Variants in TAF2 observed in about 807,000 individuals in gnomAD.
TAF2 encodes TATA-box binding protein associated factor 2, also known as transcription initiation factor TFIID subunit 2.
Under a neutral mutation model 138.5 loss-of-function variants are expected in TAF2, and 61 were observed. The ratio of observed to expected loss-of-function variants is 0.44; its 90% CI spans 0.36 to 0.54. The LOEUF is 0.54. Ranked by LOEUF, TAF2 falls within the 20% of genes least tolerant of loss-of-function variation. The probability of loss-of-function intolerance (pLI) is 0.00; values close to 1 mark genes in which losing one functional copy is unlikely to be tolerated. For missense variants in TAF2, 1,090 were observed against 1,427.9 expected (o/e 0.76, Z 3.81); for synonymous variants, 475 against 469.9 (o/e 1.01, Z -0.14).
intron 25 of TAF2, among the ~76,000 whole-genome samples, chr8:119,739,651 AG>A (rs1266385249): frequency 2.0e-5 from 3 of 151,458 alleles, no homozygotes; most frequent in Non-Finnish European, 4.4e-5. Context: ...CTTGGCTCTA[AG>A]GGGGCCATCT....
chr8:119,831,961 C>G (rs1174204117), intron 1 of TAF2, among the ~76,000 whole-genome samples: 1 of 152,026 alleles, frequency 6.6e-6, no homozygotes, highest in African/African-American at 2.4e-5. Context: ...GAGTTCGAGA[C>G]CAGCCTGGCC....
chr8:119,775,473 C>A (rs1822158439), intron 18 of TAF2, among the ~76,000 whole-genome samples: 1 of 151,838 alleles, frequency 6.6e-6, no homozygotes. Flanking sequence ...GAGGCCGAGG[C>A]AGGCGAATCA....
chr8:119,771,245 T>C (rs112365052), intron 18 of TAF2, among the ~76,000 whole-genome samples: 96 of 152,110 alleles, frequency 6.3e-4, no homozygotes, highest in African/African-American at 2.2e-3. Context: ...CATTCTTTTT[T>C]ACTTTTTTGA....
rs1821001191 is a variant in TAF2, at chr8:119,760,676, A to G, written c.2621T>C (p.Phe874Ser). Residue 874 changes from phenylalanine to serine, a missense_variant, in exon 20 of 26, where the codon TTT becomes TCT. Phe to Ser is a radical substitution (Grantham distance 155, BLOSUM62 -2). Around this residue, in one of 3 missense-constraint regions of TAF2, gnomAD observed 580 missense variants for 719.6 expected, o/e 0.81. Transcript: ENST00000378164. The part of the protein sequence containing the change: ...NGHVPSDPAL[F>S]KSYAEYGHFV... ...GTGGCCATATTCAGCATAAGATTTA[A>G]AAAGAGCTGGATCACTTGGCACATG... The G allele has an allele frequency of 6.2e-7, 1 of 1,613,908 alleles. No individual in the cohort carries two copies. The highest frequency in any genetic ancestry group is 8.5e-7 in the Non-Finnish European group (1 of 1,179,966).
chr8:119,819,281 T>C, intron 3 of TAF2, 65 bp downstream of exon 3: 3 of 1,532,768 alleles, frequency 2.0e-6, no homozygotes, highest in Non-Finnish European at 2.7e-6. Flanking sequence ...GAAAAACTAA[T>C]CCAATCATTA....
Position 119,806,352 on chromosome 8 carries a change from C to T in TAF2, c.349G>A (p.Val117Met). The T allele has an allele frequency of 6.2e-7, 1 of 1,613,980 alleles. No individual in the cohort carries two copies. The highest frequency in any genetic ancestry group is 2.2e-5 in the East Asian group (1 of 44,884). Residue 117 changes from valine (V) to methionine (M), a missense_variant, in exon 4 of 26, where the codon GTG becomes ATG. Transcript: ENST00000378164. ...SNAYAAAVSAVDPDAGNGELC... is the reference protein window; with the variant it reads ...SNAYAAAVSAMDPDAGNGELC... ...TCTCCATTTCCTGCATCAGGGTCCA[C>T]AGCACTAACTGCAGCTGCATAAGCA...
At position 119,795,773 on chromosome 8, in the gene TAF2, C is replaced by T. The variant is rs1823782592; in HGVS notation, c.1092-142G>A. The T allele has an allele frequency of 3.7e-6, 3 of 811,812 alleles. No homozygotes were observed. In the Admixed American group the frequency reaches 6.4e-5, roughly 17 times the overall value. 50.3% of individuals were successfully genotyped at this position (811,812 alleles called of 1,614,324 possible). ...AAATTATTAACAAATTATCAGGTTT[C>T]CCAACTTCCTCTGAGTTCTACTTGC... On this transcript the variant is annotated intron_variant, in intron 8 of 25. Transcript: ENST00000378164.
In TAF2 at chr8:119,731,822, C is replaced by A. The variant is rs763401185; in HGVS notation, c.*102G>T. On this transcript the variant is annotated 3_prime_UTR_variant, in exon 26 of 26. Transcript: ENST00000378164. Reference sequence around the variant, plus strand: ...GAATTCAGAATTTCTGTAGGAGAGGCGAATCCTTTCCCCCCTCCCTTTTAT... The same window carrying A: ...GAATTCAGAATTTCTGTAGGAGAGGAGAATCCTTTCCCCCCTCCCTTTTAT... The A allele has an allele frequency of 2.6e-6, 3 of 1,158,424 alleles. No homozygotes were observed. Among genetic ancestry groups the A allele is most frequent in the Admixed American group, 1.7e-5 (1 of 58,052 alleles). 71.8% of individuals were successfully genotyped at this position (1,158,424 alleles called of 1,614,324 possible). A position where few individuals can be genotyped will look rare whatever the true frequency, so the allele number is the denominator to read the frequency against.
chr8:119,782,214 AC>A (rs1237574969), intron 16 of TAF2, among the ~76,000 whole-genome samples: 1 of 152,186 alleles, frequency 6.6e-6, no homozygotes, highest in Non-Finnish European at 1.5e-5. Context: ...GAAGCCAAAT[AC>A]AGTGCTACTA....
intron 12 of TAF2, 72 bp from the exon 13 acceptor site, chr8:119,788,976 G>A: frequency 9.6e-7 from 1 of 1,039,792 alleles, no homozygotes; most frequent in Non-Finnish European, 1.5e-6. Context: ...ATCCATCATG[G>A]TATTAATAAT....
intron 18 of TAF2, among the ~76,000 whole-genome samples, chr8:119,776,410 CGGT>C (rs1822244703): frequency 6.8e-6 from 1 of 146,608 alleles, no homozygotes; most frequent in Non-Finnish European, 1.5e-5. Flanking sequence ...TGGCCGGGCA[CGGT>C]GGCTCATGCC....
At chr8:119,752,989 G>A (rs1820457207) in intron 22 of TAF2, among the ~76,000 whole-genome samples, 1 of 152,172 alleles carries the variant, frequency 6.6e-6, no homozygotes, top group Non-Finnish European at 1.5e-5. Context: ...CTTAAATGAT[G>A]CTCTAGCTCC....
intron 22 of TAF2, among the ~76,000 whole-genome samples, chr8:119,751,695 AAC>A (rs1244373724): frequency 6.6e-6 from 1 of 152,262 alleles, no homozygotes; most frequent in Non-Finnish European, 1.5e-5. Context: ...TCAAGAAAAA[AAC>A]AGTGAATTAA....
intron 25 of TAF2, among the ~76,000 whole-genome samples, chr8:119,740,310 G>A (rs1004576578): frequency 2.0e-5 from 3 of 151,938 alleles, no homozygotes; most frequent in Admixed American, 2.0e-4. Flanking sequence ...CCTGATGTAT[G>A]GTAGGAGTTG....
rs1390107793 is a variant in TAF2 at position 119,785,187 on chromosome 8, G to C, written c.1859+14C>G. 6.9e-6 allele frequency: 11 copies of C among 1,603,246 alleles called. No homozygotes were observed. Among genetic ancestry groups the C allele is most frequent in the Non-Finnish European group, 9.4e-6 (11 of 1,170,592 alleles). On this transcript the variant is annotated intron_variant, in intron 15 of 25. Coordinates refer to ENST00000378164, the MANE Select transcript of TAF2 (RefSeq NM_003184.4). ...GAAAGTATTATAACCTTATATTTAA[G>C]TTAACTAACTTACTCCATTGCAGAA...
chr8:119,807,452 A>G (rs1824738320), intron 3 of TAF2, among the ~76,000 whole-genome samples: 1 of 152,238 alleles, frequency 6.6e-6, no homozygotes, highest in African/African-American at 2.4e-5. Flanking sequence ...AATACGAAAG[A>G]AATGAAAGAC....
At chr8:119,738,253 A>G (rs1819367469) in intron 25 of TAF2, among the ~76,000 whole-genome samples, 2 of 152,170 alleles carry the variant, frequency 1.3e-5, no homozygotes, top group Non-Finnish European at 2.9e-5. Context: ...GTAAGAAAGC[A>G]TAATTTCCTT....
At chr8:119,805,899 TTTTG>T (rs1236292344) in intron 4 of TAF2, among the ~76,000 whole-genome samples, 4 of 144,212 alleles carry the variant, frequency 2.8e-5, no homozygotes, top group Non-Finnish European at 6.0e-5. Context: ...TTCGTTTTGT[TTTTG>T]TTTTTCTTTT....
intron 18 of TAF2, among the ~76,000 whole-genome samples, chr8:119,775,660 G>A (rs1281884799): frequency 5.9e-5 from 9 of 151,924 alleles, no homozygotes; most frequent in African/African-American, 2.2e-4. Context: ...CCGAGATCAC[G>A]CCAGCGTACT....
Sources: gnomAD v4.1 joint callset for allele counts (sites outside exome capture counted in the v4.1 genomes callset) on GRCh38, gnomAD v4.1.1 for gene constraint, gnomAD v4.1.1 regional missense constraint, MANE v1.5 for transcripts, NCBI Gene and HGNC (gene_info 2026-07-23, HGNC 2026-07-21) for gene names.